KLHL4: variants seen among roughly 807,000 people sequenced by gnomAD.
KLHL4 encodes kelch-like protein 4.
A neutral mutation model predicts 45.8 loss-of-function variants in KLHL4; 17 were observed. The ratio of observed to expected loss-of-function variants is 0.37; its 90% CI spans 0.25 to 0.56. The LOEUF (loss-of-function observed/expected upper bound fraction) is 0.56, where lower values mean the gene tolerates loss of function less well. KLHL4 is among the 20% of genes least tolerant of loss of function. The pLI is 0.79. For missense variants in KLHL4, 544 were observed against 544.9 expected, an observed-to-expected ratio of 1.00 and a Z score of 0.02; for synonymous variants, 224 against 189.9, an observed-to-expected ratio of 1.18 and a Z score of -1.47.
chrX:87,664,623 T>A, intron 9 of KLHL4, 141 bp from the exon 10 acceptor site: 1 of 433,885 alleles, frequency 2.3e-6, no homozygotes, highest in Non-Finnish European at 3.9e-6. Flanking sequence ...ATATCCTTAA[T>A]ATTATCCAAT....
intron 1 of KLHL4, among the ~76,000 whole-genome samples, chrX:87,563,640 A>G (rs928565321): frequency 4.6e-5 from 5 of 108,645 alleles, no homozygotes; most frequent in South Asian, 4.1e-4. Flanking sequence ...CACACCTACA[A>G]GGGCAAATGT....
intron 9 of KLHL4, among the ~76,000 whole-genome samples, chrX:87,662,894 C>A (rs1281885115): frequency 2.0e-5 from 2 of 100,026 alleles, no homozygotes; most frequent in Non-Finnish European, 4.0e-5. Context: ...CGCGCCACTG[C>A]ACTCCAGCCT....
At chrX:87,629,281 TA>T (rs763835626) in intron 6 of KLHL4, among the ~76,000 whole-genome samples, 10 of 111,313 alleles carry the variant, frequency 9.0e-5, no homozygotes, top group Non-Finnish European at 1.9e-4. Flanking sequence ...GAAAAGATGG[TA>T]AAAAAATTGA....
At chrX:87,522,477 G>T (rs182885316) in intron 1 of KLHL4, among the ~76,000 whole-genome samples, 1 of 111,785 alleles carries the variant, frequency 8.9e-6, no homozygotes, top group Admixed American at 9.5e-5. Context: ...TCTACAATTG[G>T]TATTTCTCCA....
At chrX:87,636,468 C>T (rs377107350) in intron 9 of KLHL4, among the ~76,000 whole-genome samples, 4 of 111,829 alleles carry the variant, frequency 3.6e-5, no homozygotes, top group African/African-American at 9.8e-5. Flanking sequence ...ACAGGAAAGT[C>T]AAGAGAATCC....
chrX:87,590,153 A>G (rs1390984097), intron 1 of KLHL4, among the ~76,000 whole-genome samples: 2 of 111,219 alleles, frequency 1.8e-5, no homozygotes, highest in African/African-American at 6.5e-5. Context: ...ATTGTTTGTA[A>G]CTCAAAGGAT....
At chrX:87,572,407 GCTCT>G (rs1398612548) in intron 1 of KLHL4, among the ~76,000 whole-genome samples, 7 of 110,357 alleles carry the variant, frequency 6.3e-5, no homozygotes, top group Non-Finnish European at 1.1e-4. Flanking sequence ...TCTGAAAAGA[GCTCT>G]CTCTCTCTTT....
chrX:87,606,345 C>G (rs1316385292), intron 1 of KLHL4, among the ~76,000 whole-genome samples: 1 of 109,112 alleles, frequency 9.2e-6, no homozygotes, highest in Non-Finnish European at 1.9e-5. Context: ...ACAAGCTCAG[C>G]CTAAAATTGG....
At chrX:87,606,399 T>C (rs1386264965) in intron 1 of KLHL4, among the ~76,000 whole-genome samples, 2 of 111,146 alleles carry the variant, frequency 1.8e-5, no homozygotes, top group African/African-American at 6.5e-5. Context: ...ATAAACAATA[T>C]ACAGACTAAA....
rs761663136 is a variant in KLHL4, at chrX:87,618,289, C to G, written c.924+161C>G. Among the ~76,000 whole-genome samples, 4 of 111,991 alleles carry G rather than the reference C, an allele frequency of 3.6e-5. No homozygotes were observed. The South Asian group carries it at 1.5e-3, about 41-fold the overall frequency. On this transcript the variant is annotated intron_variant, in intron 4 of 10. Transcript: ENST00000373119. Reference sequence around the variant, plus strand: ...TGAGCTGCACTCAGGCAAGCTTTTCCTTTTCTGAATTACAAATGTTTAATT... The same window carrying G: ...TGAGCTGCACTCAGGCAAGCTTTTCGTTTTCTGAATTACAAATGTTTAATT...
Position 87,668,449 on chromosome X carries a change from T to C in KLHL4, c.*1915T>C, listed in dbSNP as rs1379068854. The C allele has an allele frequency of 1.3e-5, 10 of 751,304 alleles. No homozygotes were observed. Among genetic ancestry groups the C allele is most frequent in the African/African-American group, 4.6e-5 (2 of 43,247 alleles). The allele number at this position is 751,304 out of a possible 1,213,427, so 61.9% of individuals were successfully genotyped here. A position where few individuals can be genotyped will look rare whatever the true frequency, so the allele number is the denominator to read the frequency against. ...TAAGTATTGACTCATAGAAGAGACA[T>C]GTATGTTTCCCGGGGCTACCCCTTC... On this transcript the variant is annotated 3_prime_UTR_variant, in exon 11 of 11. Coordinates refer to ENST00000373119, the MANE Select transcript of KLHL4 (RefSeq NM_019117.5).
chrX:87,547,196 G>A (rs1931701893), intron 1 of KLHL4, among the ~76,000 whole-genome samples: 1 of 111,532 alleles, frequency 9.0e-6, no homozygotes. Flanking sequence ...ATTCCCAGGT[G>A]TTGACGGAGG....
chrX:87,531,650 C>G (rs1404346156), intron 1 of KLHL4, among the ~76,000 whole-genome samples: 3 of 106,135 alleles, frequency 2.8e-5, no homozygotes, highest in Non-Finnish European at 5.8e-5. Context: ...GATACAAAAT[C>G]AATGTACAAA....
intron 1 of KLHL4, among the ~76,000 whole-genome samples, chrX:87,558,553 TAC>T (rs1201896351): frequency 1.8e-5 from 2 of 111,640 alleles, no homozygotes; most frequent in African/African-American, 6.5e-5. Context: ...TCGGCCACTG[TAC>T]TCCAGTCTGG....
chrX:87,527,871 A>C (rs1361627394), intron 1 of KLHL4, among the ~76,000 whole-genome samples: 3 of 110,328 alleles, frequency 2.7e-5, no homozygotes, highest in Non-Finnish European at 5.7e-5. Flanking sequence ...CTGAGCACAC[A>C]AGAAACACGA....
intron 1 of KLHL4, among the ~76,000 whole-genome samples, chrX:87,566,286 A>G (rs1932210197): frequency 9.0e-6 from 1 of 111,439 alleles, no homozygotes; most frequent in East Asian, 2.8e-4. Flanking sequence ...ACAATAAAAC[A>G]TAAAAATCAT....
intron 9 of KLHL4, among the ~76,000 whole-genome samples, chrX:87,645,080 C>T (rs748787388): frequency 1.5e-4 from 17 of 111,884 alleles, no homozygotes; most frequent in Middle Eastern, 4.7e-3. Flanking sequence ...AGCTTCTTCA[C>T]GACAAAAGGA....
At chrX:87,547,235 G>C (rs768521051) in intron 1 of KLHL4, among the ~76,000 whole-genome samples, 1 of 110,717 alleles carries the variant, frequency 9.0e-6, no homozygotes, top group Admixed American at 9.6e-5. Context: ...TTGATTATGG[G>C]GTGGTTTTTT....
At chrX:87,620,569 A>G (rs1215101004) in intron 4 of KLHL4, among the ~76,000 whole-genome samples, 5 of 112,058 alleles carry the variant, frequency 4.5e-5, no homozygotes, top group African/African-American at 1.3e-4. Context: ...GGTGTCCGTA[A>G]TATTAATGCA....
Sources: allele counts gnomAD v4.1 joint callset (sites outside exome capture counted in the v4.1 genomes callset), GRCh38; gene constraint gnomAD v4.1.1; transcripts MANE v1.5; gene names NCBI Gene and HGNC (gene_info 2026-07-23, HGNC 2026-07-21).